CREB5: variants seen among roughly 807,000 people sequenced by gnomAD.
CREB5 encodes the protein cyclic AMP-responsive element-binding protein 5.
A neutral mutation model predicts 57.1 loss-of-function variants in CREB5; 19 were observed. The observed-to-expected ratio is 0.33, with a 90% CI of 0.23 to 0.49. The LOEUF is 0.49. CREB5 is among the 20% of genes least tolerant of loss of function. The pLI is 0.99. For synonymous variants in CREB5, 238 were observed against 238.3 expected, an observed-to-expected ratio of 1.00 and a Z score of 0.01; for missense variants, 579 against 671.6, an observed-to-expected ratio of 0.86 and a Z score of 1.52.
chr7:28,343,088 C>G (rs529531409), intron 1 of CREB5, among the ~76,000 whole-genome samples: 1 of 152,058 alleles, frequency 6.6e-6, no homozygotes, highest in Admixed American at 6.5e-5. Flanking sequence ...CTACAGGTAC[C>G]CGCCACCACG....
chr7:28,629,561 T>C (rs1276996805), intron 5 of CREB5, among the ~76,000 whole-genome samples: 2 of 152,206 alleles, frequency 1.3e-5, no homozygotes, highest in East Asian at 1.9e-4. Context: ...GGTTGAACAG[T>C]TGTGTTGCTT....
chr7:28,542,172 A>C (rs1794234639), intron 4 of CREB5, among the ~76,000 whole-genome samples: 1 of 152,210 alleles, frequency 6.6e-6, no homozygotes, highest in Non-Finnish European at 1.5e-5. Flanking sequence ...CCGAAGAGTA[A>C]GTTTCATTAT....
intron 7 of CREB5, among the ~76,000 whole-genome samples, chr7:28,795,702 ATTGT>A (rs1362300995): frequency 6.6e-6 from 1 of 151,190 alleles, no homozygotes; most frequent in Non-Finnish European, 1.5e-5. Context: ...TTTTTAAAAT[ATTGT>A]TTAAATTGAG....
chr7:28,532,311 G>A (rs1265854143), intron 4 of CREB5, among the ~76,000 whole-genome samples: 1 of 152,214 alleles, frequency 6.6e-6, no homozygotes, highest in Non-Finnish European at 1.5e-5. Flanking sequence ...AACCTCATAA[G>A]AGTGCCTGAG....
rs151042892 is a variant in CREB5, at chr7:28,696,373, C to A, written c.465-22380C>A. ...TAAAGCATAGGAAGATGGATATGAC[C>A]CTTTCTTTTCTCAAAGAGTTATCTG... On this transcript the variant is annotated intron_variant, in intron 5 of 10. Coordinates refer to ENST00000357727, the MANE Select transcript of CREB5 (RefSeq NM_182898.4). Among the ~76,000 whole-genome samples the A allele has an allele frequency of 5.4e-3, 817 of 152,192 alleles. 11 individuals are homozygous for A. Among genetic ancestry groups the A allele is most frequent in the African/African-American group, 0.019 (771 of 41,510 alleles).
Position 28,804,013 on chromosome 7 carries a change from A to G in CREB5, c.703-186A>G, listed in dbSNP as rs184328560. Among the ~76,000 whole-genome samples, 625 of 152,334 alleles carry G rather than the reference A, an allele frequency of 4.1e-3. 5 individuals carry two copies. Among genetic ancestry groups the G allele is most frequent in the Admixed American group, 5.9e-3 (91 of 15,302 alleles). On this transcript the variant is annotated intron_variant, in intron 7 of 10. Coordinates refer to ENST00000357727, the MANE Select transcript of CREB5 (RefSeq NM_182898.4). ...TTGACCCTCCTACTGACCACGATAT[A>G]TAAGAAAATATGAAATTAATATAAA...
intron 1 of CREB5, among the ~76,000 whole-genome samples, chr7:28,385,380 G>A (rs1388313119): frequency 2.0e-5 from 3 of 152,116 alleles, no homozygotes; most frequent in Non-Finnish European, 4.4e-5. Flanking sequence ...GTCAGTGGAA[G>A]AAGTATGTAT....
At chr7:28,440,229 T>G (rs6462085) in intron 1 of CREB5, among the ~76,000 whole-genome samples, 52,792 of 152,014 alleles carry the variant, frequency 0.35, 9,605 homozygotes, top group Middle Eastern at 0.41. Context: ...ATTGATTTAT[T>G]TAAGTATAGG....
chr7:28,525,115 G>A (rs150602), intron 4 of CREB5, among the ~76,000 whole-genome samples: 5 of 152,118 alleles, frequency 3.3e-5, no homozygotes, highest in South Asian at 2.1e-4. Context: ...TTCATTTAAC[G>A]TAACGACCTT....
chr7:28,334,096 A>C (rs1438217174), intron 1 of CREB5, among the ~76,000 whole-genome samples: 1 of 152,142 alleles, frequency 6.6e-6, no homozygotes, highest in African/African-American at 2.4e-5. Context: ...TGGGGTGAGA[A>C]CATATCTCAT....
At chr7:28,338,713 T>C (rs1201948459) in intron 1 of CREB5, among the ~76,000 whole-genome samples, 1 of 152,110 alleles carries the variant, frequency 6.6e-6, no homozygotes, top group African/African-American at 2.4e-5. Context: ...AACTTTTTAC[T>C]CCTCTCTCTT....
At chr7:28,355,137 G>A (rs1013235185) in intron 1 of CREB5, among the ~76,000 whole-genome samples, 3 of 152,230 alleles carry the variant, frequency 2.0e-5, no homozygotes, top group African/African-American at 7.2e-5. Context: ...GACTGTGTAT[G>A]CACTGCCTGG....
In CREB5 at chr7:28,800,276, A is replaced by C. The variant is rs531753834; in HGVS notation, c.703-3923A>C. 2.3e-3 allele frequency among the ~76,000 whole-genome samples: 355 copies of C among 152,292 alleles called. 2 individuals are homozygous for C. The highest frequency in any genetic ancestry group is 8.3e-3 in the African/African-American group (343 of 41,564). ...AAAGGGGATGTCTGAAGTACATCTG[A>C]AGAAAGGGAAAGAGCGTCCTAGGCA... On this transcript the variant is annotated intron_variant, in intron 7 of 10. Transcript: ENST00000357727.
intron 1 of CREB5, among the ~76,000 whole-genome samples, chr7:28,310,216 A>G (rs1333984554): frequency 6.6e-6 from 1 of 152,162 alleles, no homozygotes; most frequent in African/African-American, 2.4e-5. Context: ...GAGGCTGCAG[A>G]GAATAGGGAG....
At chr7:28,447,389 T>G (rs950223382) in intron 1 of CREB5, among the ~76,000 whole-genome samples, 1 of 152,216 alleles carries the variant, frequency 6.6e-6, no homozygotes, top group Admixed American at 6.5e-5. Context: ...AAAGTTCCCT[T>G]CAAACAAGTT....
upstream of CREB5, chr7:28,410,453 A>G (rs1188631576): frequency 1.1e-5 from 5 of 456,574 alleles, no homozygotes; most frequent in African/African-American, 8.0e-5. Flanking sequence ...GAGGGGCAAG[A>G]TGCGAAGGAA....
intron 5 of CREB5, among the ~76,000 whole-genome samples, chr7:28,613,886 G>C (rs1797498072): frequency 6.6e-6 from 1 of 152,148 alleles, no homozygotes; most frequent in Non-Finnish European, 1.5e-5. Flanking sequence ...CTTCCAGTTG[G>C]AACATTTAGA....
intron 4 of CREB5, among the ~76,000 whole-genome samples, chr7:28,523,317 A>G (rs907222882): frequency 6.6e-6 from 1 of 152,140 alleles, no homozygotes; most frequent in Non-Finnish European, 1.5e-5. Flanking sequence ...CCCTCCCTAT[A>G]CCTATGCCCA....
rs2128810410 is a variant in CREB5, at chr7:28,820,200, T to G, written c.*921T>G. 1 of 152,700 alleles carries G rather than the reference T, an allele frequency of 6.5e-6. No homozygotes were observed. Among genetic ancestry groups the G allele is most frequent in the South Asian group, 2.1e-4 (1 of 4,830 alleles). 9.5% of individuals were successfully genotyped at this position (152,700 alleles called of 1,614,324 possible). A position where few individuals can be genotyped will look rare whatever the true frequency, so the allele number is the denominator to read the frequency against. ...AAGTGAAGCATGGTTGAATACCAGC[T>G]GGGGAGACACTAGGGAAGGGAGCTT... On this transcript the variant is annotated 3_prime_UTR_variant, in exon 11 of 11. Transcript: ENST00000357727.
Sources: gnomAD v4.1 joint callset for allele counts (sites outside exome capture counted in the v4.1 genomes callset) on GRCh38, gnomAD v4.1.1 for gene constraint, MANE v1.5 for transcripts, NCBI Gene and HGNC (gene_info 2026-07-23, HGNC 2026-07-21) for gene names.